LARGE1: variants seen among roughly 807,000 people sequenced by gnomAD.
The protein encoded by LARGE1 is xylosyl- and glucuronyltransferase LARGE1.
Under a neutral mutation model 87.6 loss-of-function variants are expected in LARGE1, and 43 were observed. The ratio of observed to expected loss-of-function variants is 0.49; its 90% CI spans 0.38 to 0.63. The LOEUF (loss-of-function observed/expected upper bound fraction) is 0.63. Among genes scored for constraint, LARGE1 ranks in the 30% least tolerant of loss-of-function variants. The pLI is 0.00. For synonymous variants in LARGE1, 434 were observed against 394.6 expected (o/e 1.10, Z -1.18); for missense variants, 802 against 1,000.2 (o/e 0.80, Z 2.67).
chr22:33,124,484 C>T, the LARGE1 span, among the ~76,000 whole-genome samples: 1 of 152,066 alleles, frequency 6.6e-6, no homozygotes, highest in Non-Finnish European at 1.5e-5. Flanking sequence ...AGTGTTACTG[C>T]TCTTGCAGTT....
chr22:33,189,496 C>T (rs1002864667), intron 11 of LARGE1, among the ~76,000 whole-genome samples: 3 of 152,130 alleles, frequency 2.0e-5, no homozygotes, highest in African/African-American at 7.2e-5. Flanking sequence ...CACACACTCA[C>T]GATACTCACT....
intron 3 of LARGE1, among the ~76,000 whole-genome samples, chr22:33,629,984 G>A (rs1313140547): frequency 6.6e-6 from 1 of 152,170 alleles, no homozygotes; most frequent in Non-Finnish European, 1.5e-5. Context: ...GATCACCTGA[G>A]GTCAAGAGTT....
chr22:33,713,671 C>T (rs1409802997), intron 2 of LARGE1, among the ~76,000 whole-genome samples: 1 of 151,832 alleles, frequency 6.6e-6, no homozygotes, highest in Non-Finnish European at 1.5e-5. Context: ...AAATGAGTGC[C>T]CAGGGCTGGG....
chr22:33,498,010 G>C (rs1300265838), intron 6 of LARGE1, among the ~76,000 whole-genome samples: 1 of 152,124 alleles, frequency 6.6e-6, no homozygotes, highest in Non-Finnish European at 1.5e-5. Context: ...AGCCTCCCGA[G>C]TAGCTGTGAT....
intron 2 of LARGE1, among the ~76,000 whole-genome samples, chr22:33,713,873 T>C (rs912645893): frequency 6.6e-6 from 1 of 152,104 alleles, no homozygotes; most frequent in Non-Finnish European, 1.5e-5. Flanking sequence ...AGAGGATTAC[T>C]TGAGTTTGGG....
chr22:33,726,803 A>G (rs1202978563), intron 2 of LARGE1, among the ~76,000 whole-genome samples: 1 of 152,206 alleles, frequency 6.6e-6, no homozygotes, highest in Non-Finnish European at 1.5e-5. Flanking sequence ...AGCAGGCAAG[A>G]CTGGGGGAAT....
At chr22:33,738,640 A>G (rs902091647) in intron 2 of LARGE1, among the ~76,000 whole-genome samples, 3 of 152,116 alleles carry the variant, frequency 2.0e-5, no homozygotes, top group Admixed American at 1.3e-4. Context: ...CAGGTGGATC[A>G]CGAGGTCAGG....
chr22:33,172,832 A>G (rs1216132409), intron 11 of LARGE1, among the ~76,000 whole-genome samples: 4 of 152,202 alleles, frequency 2.6e-5, no homozygotes, highest in Non-Finnish European at 5.9e-5. Flanking sequence ...AGAAATGAAC[A>G]AAGCCTCCAA....
At chr22:33,774,367 C>CT (rs995946741) in intron 1 of LARGE1, among the ~76,000 whole-genome samples, 6 of 151,328 alleles carry the variant, frequency 4.0e-5, no homozygotes, top group African/African-American at 1.2e-4. Flanking sequence ...TTCTTTCTTT[C>CT]TTTTTTTGAG....
At chr22:33,579,528 A>G (rs2078452190) in intron 5 of LARGE1, among the ~76,000 whole-genome samples, 3 of 152,228 alleles carry the variant, frequency 2.0e-5, no homozygotes, top group Admixed American at 1.3e-4. Flanking sequence ...GCAGGAGCCA[A>G]GTGGAGCCTG....
intron 11 of LARGE1, among the ~76,000 whole-genome samples, chr22:33,167,943 C>T (rs1602034530): frequency 6.6e-6 from 1 of 152,180 alleles, no homozygotes; most frequent in Non-Finnish European, 1.5e-5. Flanking sequence ...CAAAATGATG[C>T]TTTCCACCCA....
At chr22:33,183,905 A>G (rs1296206130) in intron 11 of LARGE1, among the ~76,000 whole-genome samples, 1 of 151,910 alleles carries the variant, frequency 6.6e-6, no homozygotes, top group Non-Finnish European at 1.5e-5. Context: ...CAGTTATAAA[A>G]TGAATTAAGT....
At chr22:33,375,062 AT>A (rs1483884339) in intron 9 of LARGE1, among the ~76,000 whole-genome samples, 1 of 152,202 alleles carries the variant, frequency 6.6e-6, no homozygotes, top group African/African-American at 2.4e-5. Context: ...ATGAAGAAAC[AT>A]GAATTCATGA....
At chr22:33,376,469 G>C (rs147542393) in intron 9 of LARGE1, among the ~76,000 whole-genome samples, 2 of 152,144 alleles carry the variant, frequency 1.3e-5, no homozygotes, top group African/African-American at 2.4e-5. Flanking sequence ...GGCCACACAA[G>C]GTTCACCAAA....
the LARGE1 span, among the ~76,000 whole-genome samples, chr22:33,129,957 C>T: frequency 6.6e-6 from 1 of 152,132 alleles, no homozygotes; most frequent in African/African-American, 2.4e-5. Context: ...GTATCATCAT[C>T]GTGGGAAGTT....
At position 33,686,556 on chromosome 22, in the gene LARGE1, A is replaced by AG. The variant is rs1426554433; in HGVS notation, c.107-35889_107-35888insC. ...AGACTCCATCTCAAAAAAAAAAAAA[A>AG]AAAAAAAAAACAAAAATGATATGAA... On this transcript the variant is annotated intron_variant, in intron 2 of 14. Coordinates refer to ENST00000397394, the MANE Select transcript of LARGE1 (RefSeq NM_133642.5). Among the ~76,000 whole-genome samples, 131 of 70,204 alleles carry AG rather than the reference A, an allele frequency of 1.9e-3. 2 individuals are homozygous for AG. Among genetic ancestry groups the AG allele is most frequent in the African/African-American group, 7.6e-3 (118 of 15,586 alleles). The allele number at this position is 70,204 out of a possible 152,430, so 46.1% of individuals were successfully genotyped here.
At chr22:33,711,069 G>T (rs1441333485) in intron 2 of LARGE1, among the ~76,000 whole-genome samples, 1 of 152,094 alleles carries the variant, frequency 6.6e-6, no homozygotes, top group African/African-American at 2.4e-5. Flanking sequence ...AAGCAAGAGA[G>T]GGCCAAGTGT....
At chr22:33,502,352 C>T (rs189162878) in intron 6 of LARGE1, among the ~76,000 whole-genome samples, 5 of 151,860 alleles carry the variant, frequency 3.3e-5, no homozygotes, top group African/African-American at 7.3e-5. Flanking sequence ...AGTTCCAGTA[C>T]GAAGGAAGAG....
intron 6 of LARGE1, among the ~76,000 whole-genome samples, chr22:33,539,627 C>T (rs2077135447): frequency 6.6e-6 from 1 of 150,466 alleles, no homozygotes; most frequent in Non-Finnish European, 1.5e-5. Context: ...TCTCGCTCCA[C>T]TACCTATACT....
Sources: gnomAD v4.1 joint callset for allele counts (sites outside exome capture counted in the v4.1 genomes callset) on GRCh38, gnomAD v4.1.1 for gene constraint, MANE v1.5 for transcripts, NCBI Gene and HGNC (gene_info 2026-07-23, HGNC 2026-07-21) for gene names.